Variants in SSBP4 observed in about 807,000 individuals in gnomAD.
The protein encoded by SSBP4 is single-stranded DNA-binding protein 4.
Under a neutral mutation model 64.6 loss-of-function variants are expected in SSBP4, and 33 were observed. The ratio of observed to expected loss-of-function variants is 0.51; its 90% CI spans 0.39 to 0.68. The LOEUF is 0.68. Among genes scored for constraint, SSBP4 ranks in the 30% least tolerant of loss-of-function variants. The pLI is 0.00. For synonymous variants in SSBP4, 243 were observed against 224.0 expected, an observed-to-expected ratio of 1.08 and a Z score of -0.76; for missense variants, 583 against 566.8, an observed-to-expected ratio of 1.03 and a Z score of -0.29.
At chr19:18,430,300 G>C (rs1973245530) in intron 4 of SSBP4, among the ~76,000 whole-genome samples, 2 of 152,268 alleles carry the variant, frequency 1.3e-5, no homozygotes, top group Admixed American at 6.5e-5. Context: ...GCCAGGTCTG[G>C]GCTGCCACCA....
In SSBP4 at chr19:18,423,880, C is replaced by T. The variant is rs765961045; in HGVS notation, c.60-3471C>T. Among the ~76,000 whole-genome samples the T allele has an allele frequency of 1.1e-4, 17 of 152,196 alleles. No individual in the cohort carries two copies. Among genetic ancestry groups the T allele is most frequent in the Admixed American group, 3.3e-4 (5 of 15,284 alleles). On this transcript the variant is annotated intron_variant, in intron 1 of 17. Coordinates refer to ENST00000270061, the MANE Select transcript of SSBP4 (RefSeq NM_032627.5). This position sits in a 1 kb window ranked among gnomAD's most constrained non-coding sequence, Gnocchi z 4.0. ...GTTGTACCGGCCCAGGGCAGGTGGC[C>T]GGTGGGGGGCAGAGGGCATGGGTGA...
the SSBP4 span, among the ~76,000 whole-genome samples, chr19:18,404,612 G>C: frequency 7.1e-3 from 768 of 107,698 alleles, 20 homozygotes; most frequent in Admixed American, 0.047. Flanking sequence ...AAAAAAAAAG[G>C]CTGGGCGGGG....
At chr19:18,419,211 T>A, upstream of SSBP4, 1 of 986,966 alleles carries the variant, frequency 1.0e-6, no homozygotes, top group Non-Finnish European at 1.2e-6. Flanking sequence ...CGTCCCTGGG[T>A]GGCCGTCCGG....
At position 18,430,832 on chromosome 19, in the gene SSBP4, C is replaced by A. The variant is rs749347231; in HGVS notation, c.280-9C>A. ...GACCTGGCCCTCTGGGTTTCCCGCA[C>A]CCTTACAGAGTGCTGCAGCCGCCCC... On this transcript the variant is annotated splice_polypyrimidine_tract_variant and intron_variant, in intron 4 of 17. Coordinates refer to ENST00000270061, the MANE Select transcript of SSBP4 (RefSeq NM_032627.5). The A allele has an allele frequency of 4.0e-5, 64 of 1,610,448 alleles. No individual in the cohort carries two copies. Among genetic ancestry groups the A allele is most frequent in the Non-Finnish European group, 5.3e-5 (62 of 1,178,226 alleles).
chr19:18,434,351 A>C lies in SSBP4; in HGVS notation c.*105A>C, dbSNP rs1348924012. On this transcript the variant is annotated 3_prime_UTR_variant, in exon 18 of 18. Transcript: ENST00000270061. Reference sequence around the variant, plus strand: ...ACCTCGGGCACCTGGACTCCTGGCCAATCAAGGCTTGCCCAGCTGGGAGGC... The same window carrying C: ...ACCTCGGGCACCTGGACTCCTGGCCCATCAAGGCTTGCCCAGCTGGGAGGC... 2.0e-6 allele frequency: 3 copies of C among 1,519,818 alleles called. No individual in the cohort carries two copies. The highest frequency in any genetic ancestry group is 4.8e-5 in the East Asian group (2 of 41,850). The allele number at this position is 1,519,818 out of a possible 1,614,324, so 94.1% of individuals were successfully genotyped here.
intron 5 of SSBP4, 45 bp downstream of exon 5, chr19:18,430,975 C>T (rs35742476): frequency 0.21 from 340,633 of 1,595,122 alleles, 37,163 homozygotes; most frequent in African/African-American, 0.29. Flanking sequence ...TCTGGCTGAA[C>T]ATGCGTTTGA....
upstream of SSBP4, among the ~76,000 whole-genome samples, chr19:18,415,570 TGGAGGA>T (rs879801522): frequency 1.3e-5 from 2 of 151,480 alleles, no homozygotes; most frequent in African/African-American, 4.9e-5. Context: ...AGGGAAGGCT[TGGAGGA>T]GGAGGAGGAA....
At chr19:18,407,445 C>G in the SSBP4 span, among the ~76,000 whole-genome samples, 8 of 152,092 alleles carry the variant, frequency 5.3e-5, no homozygotes, top group Non-Finnish European at 1.0e-4. Context: ...GAGACGGAGT[C>G]TCGTTCTGTT....
At chr19:18,433,260 G>A (rs1337346009) in intron 15 of SSBP4, 47 bp downstream of exon 15, 2 of 1,532,024 alleles carry the variant, frequency 1.3e-6, no homozygotes, top group Admixed American at 4.0e-5. Flanking sequence ...CCGGGCCCGT[G>A]CGCTCCCTGG....
chr19:18,405,400 C>T, the SSBP4 span, among the ~76,000 whole-genome samples: 46,123 of 151,786 alleles, frequency 0.3, 7,230 homozygotes, highest in African/African-American at 0.39. Flanking sequence ...ATGGCTCATG[C>T]CTGTAATCCC....
upstream of SSBP4, among the ~76,000 whole-genome samples, chr19:18,417,781 G>A (rs898558909): frequency 1.3e-5 from 2 of 152,148 alleles, no homozygotes; most frequent in African/African-American, 4.8e-5. The surrounding 1 kb of genome is among the most constrained non-coding windows in gnomAD (Gnocchi z 5.4). Context: ...CCCTCGGGGA[G>A]GAGGCGGGGC....
chr19:18,432,870 G>A lies in SSBP4; in HGVS notation c.828G>A (p.Met276Ile), dbSNP rs770333784. The change falls in exon 13 of 18, where the codon ATG becomes ATA. Residue 276 changes from methionine (M) to isoleucine (I), a missense_variant. Around this residue, in one of 5 missense-constraint regions of SSBP4, gnomAD observed 444 missense variants for 386.6 expected, o/e 1.15. Transcript: ENST00000270061. ...GTGGGCCCCCTGGAACACCCATCAT[G>A]CCTAGCCCTGGAGGTATGGCCTAGT... is the stretch of plus-strand genomic sequence containing the variant. ...GGGGPPGTPI[M>I]PSPGDSTNSS... The A allele has an allele frequency of 6.2e-7, 1 of 1,614,034 alleles. No homozygotes were observed. Among genetic ancestry groups the A allele is most frequent in the South Asian group, 1.1e-5 (1 of 91,090 alleles).
At chr19:18,431,071 C>T in intron 5 of SSBP4, 141 bp downstream of exon 5, 1 of 1,033,740 alleles carries the variant, frequency 9.7e-7, no homozygotes, top group Non-Finnish European at 1.4e-6. Context: ...GCAGGTGTGC[C>T]CAGGTGGGCC....
rs1302223402 is a variant in SSBP4 at position 18,433,951 on chromosome 19, C to T, written c.1128+134C>T. The T allele has an allele frequency of 4.5e-5, 55 of 1,227,708 alleles. No individual in the cohort carries two copies. The East Asian group carries it at 1.1e-3, about 25-fold the overall frequency. The allele number at this position is 1,227,708 out of a possible 1,614,324, so 76.1% of individuals were successfully genotyped here. A position where few individuals can be genotyped will look rare whatever the true frequency, so the allele number is the denominator to read the frequency against. ...GGGCCAGGTGGGGGGGCGGCCGCGG[C>T]ATCCTTTCCCTCTCCTCAACCTCTC... On this transcript the variant is annotated intron_variant, in intron 17 of 17. Coordinates refer to ENST00000270061, the MANE Select transcript of SSBP4 (RefSeq NM_032627.5).
At chr19:18,403,284 A>G in the SSBP4 span, among the ~76,000 whole-genome samples, 1 of 152,190 alleles carries the variant, frequency 6.6e-6, no homozygotes. Flanking sequence ...ATAGTAATCA[A>G]TAAATACTGA....
In SSBP4 at chr19:18,434,364, C is replaced by G. The variant is rs1973834989; in HGVS notation, c.*118C>G. The G allele has an allele frequency of 6.7e-7, 1 of 1,490,448 alleles. No individual in the cohort carries two copies. The highest frequency in any genetic ancestry group is 1.4e-5 in the African/African-American group (1 of 70,068). 92.3% of individuals were successfully genotyped at this position (1,490,448 alleles called of 1,614,324 possible). On this transcript the variant is annotated 3_prime_UTR_variant, in exon 18 of 18. Coordinates refer to ENST00000270061, the MANE Select transcript of SSBP4 (RefSeq NM_032627.5). The stretch of plus-strand genomic sequence containing the variant: ...GGACTCCTGGCCAATCAAGGCTTGC[C>G]CAGCTGGGAGGCCCCACACGAAAGA...
chr19:18,410,824 T>C, the SSBP4 span, among the ~76,000 whole-genome samples: 1 of 152,056 alleles, frequency 6.6e-6, no homozygotes, highest in Non-Finnish European at 1.5e-5. Context: ...CTGGCTGCCT[T>C]GGCGAAGGCA....
upstream of SSBP4, chr19:18,419,137 G>T: frequency 1.0e-6 from 1 of 985,468 alleles, no homozygotes; most frequent in Non-Finnish European, 1.2e-6. Context: ...GTGGGTGGCC[G>T]GCTCCATTTG....
At position 18,427,267 on chromosome 19, in the gene SSBP4, C is replaced by G; in HGVS notation, c.60-84C>G. 3 of 1,451,302 alleles carry G rather than the reference C, an allele frequency of 2.1e-6. No individual in the cohort carries two copies. The highest frequency in any genetic ancestry group is 2.8e-6 in the Non-Finnish European group (3 of 1,060,024). The allele number at this position is 1,451,302 out of a possible 1,614,324, so 89.9% of individuals were successfully genotyped here. Reference sequence around the variant, plus strand: ...GCTGGTGGGGAGGCCACCTTTCCACCCGCCCTCCTGAGAGATGGAGGGGCT... The same window carrying G: ...GCTGGTGGGGAGGCCACCTTTCCACGCGCCCTCCTGAGAGATGGAGGGGCT... On this transcript the variant is annotated intron_variant, in intron 1 of 17. Coordinates refer to ENST00000270061, the MANE Select transcript of SSBP4 (RefSeq NM_032627.5). This position sits in a 1 kb window ranked among gnomAD's most constrained non-coding sequence, Gnocchi z 4.4.
Sources: allele counts gnomAD v4.1 joint callset (sites outside exome capture counted in the v4.1 genomes callset), GRCh38; gene constraint gnomAD v4.1.1; regional missense constraint gnomAD v4.1.1; non-coding constraint Gnocchi (gnomAD v3.1); transcripts MANE v1.5; gene names NCBI Gene and HGNC (gene_info 2026-07-23, HGNC 2026-07-21).